CPLX1: variants seen among roughly 807,000 people sequenced by gnomAD.
CPLX1 encodes complexin-1.
In CPLX1, 6 loss-of-function variants were observed where a neutral mutation model predicts 15.6. The ratio of observed to expected loss-of-function variants is 0.39; its 90% confidence interval spans 0.21 to 0.76. The LOEUF is 0.76. CPLX1 is among the 30% of genes least tolerant of loss of function. CPLX1 has a pLI of 0.43. For missense variants in CPLX1, 242 were observed against 188.6 expected (o/e 1.28, Z -1.66); for synonymous variants, 91 against 75.2 (o/e 1.21, Z -1.08).
intron 2 of CPLX1, among the ~76,000 whole-genome samples, chr4:809,195 G>A (rs192211017): frequency 1.3e-5 from 2 of 152,250 alleles, no homozygotes; most frequent in Non-Finnish European, 2.9e-5. Context: ...GTATCTTGCG[G>A]TTGCTATTCT....
At chr4:808,846 T>C (rs750244655) in intron 2 of CPLX1, among the ~76,000 whole-genome samples, 50 of 152,276 alleles carry the variant, frequency 3.3e-4, no homozygotes, top group Admixed American at 2.7e-3. Flanking sequence ...AATTCACAGA[T>C]GGATTCTTTC....
Position 792,792 on chromosome 4 carries a change from G to A in CPLX1, c.32-184C>T, listed in dbSNP as rs999864752. On this transcript the variant is annotated intron_variant, in intron 2 of 3. Transcript: ENST00000304062. ...CCATCTGGCCCTGACCCTCCTGCCC[G>A]GGACCCTCCATCCAGTGTGCTGGGG... 4 of 622,154 alleles carry A rather than the reference G, an allele frequency of 6.4e-6. No individual in the cohort carries two copies. The African/African-American group carries it at 7.6e-5, about 12-fold the overall frequency. The allele number at this position is 622,154 out of a possible 1,614,324, so 38.5% of individuals were successfully genotyped here.
chr4:791,720 C>T (rs1317183181), intron 3 of CPLX1, among the ~76,000 whole-genome samples: 4 of 152,186 alleles, frequency 2.6e-5, no homozygotes, highest in Non-Finnish European at 4.4e-5. Flanking sequence ...CTGCTGCGGC[C>T]CCTACCCTCG....
chr4:803,814 C>T (rs149482314), intron 2 of CPLX1, among the ~76,000 whole-genome samples: 1 of 152,174 alleles, frequency 6.6e-6, no homozygotes, highest in African/African-American at 2.4e-5. Flanking sequence ...GGATTACAGG[C>T]GTGTGCCACC....
At chr4:789,703 A>G (rs1309440227) in intron 3 of CPLX1, among the ~76,000 whole-genome samples, 1 of 152,178 alleles carries the variant, frequency 6.6e-6, no homozygotes, top group Non-Finnish European at 1.5e-5. Context: ...TGGCTGCCTG[A>G]CAGGAGGTGC....
intron 3 of CPLX1, among the ~76,000 whole-genome samples, chr4:792,208 A>G (rs1746197445): frequency 6.6e-6 from 1 of 152,318 alleles, no homozygotes; most frequent in Middle Eastern, 3.4e-3. Context: ...GAAGCCCGCC[A>G]GGGCTGGCGC....
intron 1 of CPLX1, among the ~76,000 whole-genome samples, chr4:825,084 C>G (rs530003482): frequency 6.6e-6 from 1 of 152,138 alleles, no homozygotes; most frequent in Non-Finnish European, 1.5e-5. Context: ...CTATCCCTGA[C>G]GGCACTGCAG....
At position 789,905 on chromosome 4, in the gene CPLX1, G is replaced by A. The variant is rs13130280; in HGVS notation, c.207+2528C>T. 7.9e-3 allele frequency among the ~76,000 whole-genome samples: 602 copies of A among 76,624 alleles called. 37 individuals are homozygous for A. The highest frequency in any genetic ancestry group is 0.035 in the African/African-American group (412 of 11,802). The allele number at this position is 76,624 out of a possible 152,430, so 50.3% of individuals were successfully genotyped here. A position where few individuals can be genotyped will look rare whatever the true frequency, so the allele number is the denominator to read the frequency against. ...GTTCTGATCAGGTGGCCACGCCTGA[G>A]GGCAGGGTTCCCCCACCCCAACAGG... On this transcript the variant is annotated intron_variant, in intron 3 of 3. Coordinates refer to ENST00000304062, the MANE Select transcript of CPLX1 (RefSeq NM_006651.4).
At chr4:791,838 C>T (rs1383229462) in intron 3 of CPLX1, among the ~76,000 whole-genome samples, 1 of 152,178 alleles carries the variant, frequency 6.6e-6, no homozygotes, top group Non-Finnish European at 1.5e-5. Context: ...CTGGAGACTC[C>T]TCCAGGCTGA....
chr4:824,089 T>G (rs1746925355), intron 2 of CPLX1, among the ~76,000 whole-genome samples: 1 of 152,258 alleles, frequency 6.6e-6, no homozygotes, highest in Non-Finnish European at 1.5e-5. Context: ...TCCCACCGCT[T>G]GGCTCTCCTC....
At chr4:788,895 CG>C (rs1426709223) in intron 3 of CPLX1, among the ~76,000 whole-genome samples, 1 of 152,186 alleles carries the variant, frequency 6.6e-6, no homozygotes, top group Non-Finnish European at 1.5e-5. Flanking sequence ...CCTGTAACGG[CG>C]GAACATGAGT....
rs776816242 is a variant in CPLX1 at position 786,712 on chromosome 4, G to A, written c.208-14C>T. ...CTTGATGCCGTACTGCGGGGGAGGC[G>A]GGGGTCAGGGCGGGGGTCCCGGCGG... On this transcript the variant is annotated splice_polypyrimidine_tract_variant and intron_variant, in intron 3 of 3. Coordinates refer to ENST00000304062, the MANE Select transcript of CPLX1 (RefSeq NM_006651.4). The A allele has an allele frequency of 2.1e-5, 33 of 1,578,716 alleles. No individual in the cohort carries two copies. Among genetic ancestry groups the A allele is most frequent in the African/African-American group, 6.8e-5 (5 of 73,432 alleles).
chr4:804,181 G>A (rs1019250224), intron 2 of CPLX1, among the ~76,000 whole-genome samples: 2 of 152,204 alleles, frequency 1.3e-5, no homozygotes, highest in African/African-American at 4.8e-5. Context: ...CGTCAACACA[G>A]GATGGTAATA....
Position 786,227 on chromosome 4 carries a change from C to A in CPLX1, c.*274G>T, listed in dbSNP as rs1023224474. On this transcript the variant is annotated 3_prime_UTR_variant, in exon 4 of 4. Transcript: ENST00000304062. ...CCTTCGGCGGCCCTGGCCTCGGGCG[C>A]TGCTGGGTGGGCGGTAAACAGCAAG... 6.8e-6 allele frequency: 2 copies of A among 295,886 alleles called. No homozygotes were observed. Among genetic ancestry groups the A allele is most frequent in the African/African-American group, 4.4e-5 (2 of 45,704 alleles). The allele number at this position is 295,886 out of a possible 1,614,324, so 18.3% of individuals were successfully genotyped here. A position where few individuals can be genotyped will look rare whatever the true frequency, so the allele number is the denominator to read the frequency against.
chr4:824,573 G>C lies in CPLX1; in HGVS notation c.-51C>G, dbSNP rs755593075. The C allele has an allele frequency of 6.9e-6, 11 of 1,593,752 alleles. No individual in the cohort carries two copies. Among genetic ancestry groups the C allele is most frequent in the African/African-American group, 4.0e-5 (3 of 74,566 alleles). On this transcript the variant is annotated 5_prime_UTR_variant, in exon 2 of 4. Coordinates refer to ENST00000304062, the MANE Select transcript of CPLX1 (RefSeq NM_006651.4). ...CTCCTCCAGGGGTCAGAACTCACAC[G>C]CAAGTATGGCCGGGAGCGAGTGTTC... is the stretch of plus-strand genomic sequence containing the variant.
chr4:787,924 A>G (rs1342144751), intron 3 of CPLX1: 1 of 985,170 alleles, frequency 1.0e-6, no homozygotes, highest in Non-Finnish European at 1.2e-6. Flanking sequence ...TGTTGTACGG[A>G]GCTGGACTTC....
Position 792,460 on chromosome 4 carries a change from C to G in CPLX1, c.180G>C (p.Glu60Asp), listed in dbSNP as rs1426737288. 34 of 1,607,770 alleles carry G rather than the reference C, an allele frequency of 2.1e-5. No homozygotes were observed. The highest frequency in any genetic ancestry group is 2.7e-5 in the Non-Finnish European group (32 of 1,177,670). Residue 60 changes from glutamate to aspartate, a missense_variant, in exon 3 of 4, where the codon GAG becomes GAC. Glu to Asp is a conservative substitution (Grantham distance 45). Transcript: ENST00000304062. ...AKYAKMEAEREAVRQGIRDKY... is the reference protein window; with the variant it reads ...AKYAKMEAERDAVRQGIRDKY... ...TGTCTCGGATGCCCTGGCGCACGGC[C>G]TCGCGCTCCGCCTCCATCTTGGCGT...
chr4:786,066 G>C lies in CPLX1; in HGVS notation c.*435C>G, dbSNP rs1413394208. On this transcript the variant is annotated 3_prime_UTR_variant, in exon 4 of 4. Coordinates refer to ENST00000304062, the MANE Select transcript of CPLX1 (RefSeq NM_006651.4). ...GAGCGATCCGAACCCCGGAGTCCGC[G>C]TGCAGGAGGGGGACCCAGGCCCCGC... is the stretch of plus-strand genomic sequence containing the variant. The C allele has an allele frequency of 1.3e-5, 2 of 153,606 alleles. No homozygotes were observed. The allele number at this position is 153,606 out of a possible 1,614,324, so 9.5% of individuals were successfully genotyped here.
chr4:800,338 C>G (rs1225362860), intron 2 of CPLX1, among the ~76,000 whole-genome samples: 1 of 152,040 alleles, frequency 6.6e-6, no homozygotes, highest in African/African-American at 2.4e-5. Flanking sequence ...AACCACACAT[C>G]TGATAAAGAT....
Sources: allele counts gnomAD v4.1 joint callset (sites outside exome capture counted in the v4.1 genomes callset), GRCh38; gene constraint gnomAD v4.1.1; transcripts MANE v1.5; gene names NCBI Gene and HGNC (gene_info 2026-07-23, HGNC 2026-07-21).